SNX30: variants seen among roughly 807,000 people sequenced by gnomAD.
SNX30 encodes sorting nexin family member 30.
Under a neutral mutation model 46.4 loss-of-function variants are expected in SNX30, and 24 were observed. That is an observed-to-expected ratio of 0.52 (90% confidence interval 0.37 to 0.73). The LOEUF (loss-of-function observed/expected upper bound fraction) is 0.73, where lower values mean the gene tolerates loss of function less well. SNX30 is among the 30% of genes least tolerant of loss of function. The pLI, the probability that SNX30 is intolerant of heterozygous loss-of-function variation, is 0.00. For missense variants in SNX30, 533 were observed against 555.7 expected, an observed-to-expected ratio of 0.96 and a Z score of 0.41; for synonymous variants, 189 against 211.5, an observed-to-expected ratio of 0.89 and a Z score of 0.92.
rs1588109307 is a variant in SNX30, at chr9:112,768,422, A to G, written c.156+17265A>G. On this transcript the variant is annotated intron_variant, in intron 1 of 8. Transcript: ENST00000374232. Reference sequence around the variant, plus strand: ...CTAATTCCAGATACAGAGATTCAGAATCTGCATTTTGACATGATCCCTAAG... The same window carrying G: ...CTAATTCCAGATACAGAGATTCAGAGTCTGCATTTTGACATGATCCCTAAG... Among the ~76,000 whole-genome samples the G allele has an allele frequency of 2.0e-5, 3 of 152,312 alleles. No individual in the cohort carries two copies. In the South Asian group the frequency reaches 6.2e-4, roughly 32 times the overall value.
At position 112,830,782 on chromosome 9, in the gene SNX30, G is replaced by A. The variant is rs775945208; in HGVS notation, c.517G>A (p.Val173Met). 1.2e-6 allele frequency: 2 copies of A among 1,613,984 alleles called. No homozygotes were observed. The highest frequency in any genetic ancestry group is 3.3e-4 in the Middle Eastern group (2 of 6,060). ...TGTGGATCGTTTTTCAGAAGAGTTT[G>A]TGGAGACCAGAAGAAAAGCTTTGGA... ...GVVDRFSEEF[V>M]ETRRKALDKF... Residue 173 changes from valine to methionine, a missense_variant, in exon 4 of 9, where the codon GTG (valine) becomes ATG (methionine). Val to Met is a conservative substitution (Grantham distance 21). Coordinates refer to ENST00000374232, the MANE Select transcript of SNX30 (RefSeq NM_001012994.2).
intron 4 of SNX30, among the ~76,000 whole-genome samples, chr9:112,834,105 C>T (rs1043535663): frequency 6.8e-6 from 1 of 146,682 alleles, no homozygotes; most frequent in African/African-American, 2.5e-5. Flanking sequence ...TTCCTCTGCT[C>T]TCAGGCAACA....
At chr9:112,863,935 G>A (rs925754379) in intron 7 of SNX30, among the ~76,000 whole-genome samples, 2 of 152,178 alleles carry the variant, frequency 1.3e-5, no homozygotes, top group Admixed American at 1.3e-4. Context: ...ATCCTAAAAG[G>A]AACCAAAGAC....
At chr9:112,883,447 T>C (rs993252051), downstream of SNX30, among the ~76,000 whole-genome samples, 1 of 152,168 alleles carries the variant, frequency 6.6e-6, no homozygotes, top group Non-Finnish European at 1.5e-5. Flanking sequence ...ATTTAATACC[T>C]TGGAGGCTGT....
At chr9:112,754,762 A>G (rs370868930) in intron 1 of SNX30, among the ~76,000 whole-genome samples, 1 of 151,868 alleles carries the variant, frequency 6.6e-6, no homozygotes, top group South Asian at 2.1e-4. Context: ...CTCCTTTTTT[A>G]ACTTTCATCT....
At chr9:112,777,777 A>G (rs992784451) in intron 1 of SNX30, among the ~76,000 whole-genome samples, 3 of 151,986 alleles carry the variant, frequency 2.0e-5, no homozygotes, top group Admixed American at 6.5e-5. Context: ...ATTAACAGCA[A>G]CAGCTTTTAA....
rs1224521178 is a variant in SNX30, at chr9:112,870,176, T to C, written c.*1333T>C. 5 of 152,338 alleles carry C rather than the reference T, an allele frequency of 3.3e-5. No homozygotes were observed. The highest frequency in any genetic ancestry group is 1.3e-4 in the Admixed American group (2 of 15,308). 9.4% of individuals were successfully genotyped at this position (152,338 alleles called of 1,614,324 possible). A position where few individuals can be genotyped will look rare whatever the true frequency, so the allele number is the denominator to read the frequency against. ...AAGGATCTGTCTTCCAACTCTTTTT[T>C]TTTTCTGCTGAAATGAAGCTACATG... is the stretch of plus-strand genomic sequence containing the variant. On this transcript the variant is annotated 3_prime_UTR_variant, in exon 9 of 9. Coordinates refer to ENST00000374232, the MANE Select transcript of SNX30 (RefSeq NM_001012994.2).
At position 112,782,513 on chromosome 9, in the gene SNX30, T is replaced by G. The variant is rs569584796; in HGVS notation, c.157-22263T>G. Among the ~76,000 whole-genome samples the G allele has an allele frequency of 2.0e-5, 3 of 152,368 alleles. No individual in the cohort carries two copies. The East Asian group carries it at 5.8e-4, about 29-fold the overall frequency. On this transcript the variant is annotated intron_variant, in intron 1 of 8. Coordinates refer to ENST00000374232, the MANE Select transcript of SNX30 (RefSeq NM_001012994.2). Reference sequence around the variant, plus strand: ...AACAAAAAAGTTTGCTGACCCCTGGTATAAATCATCATGTAGTACTCATTT... The same window carrying G: ...AACAAAAAAGTTTGCTGACCCCTGGGATAAATCATCATGTAGTACTCATTT...
exon 5 of SNX30, chr9:112,880,129 G>A (rs1302747014): frequency 4.4e-6 from 1 of 225,600 alleles, no homozygotes; most frequent in East Asian, 9.0e-5. Flanking sequence ...TCAGGAGTTC[G>A]AGACCAGCCT....
At chr9:112,878,315 T>G (rs1185601032), downstream of SNX30, 1 of 152,314 alleles carries the variant, frequency 6.6e-6, no homozygotes, top group East Asian at 1.9e-4. Flanking sequence ...GTCTGCTGCC[T>G]TCACACTGAA....
At chr9:112,784,337 G>A (rs1284157880) in intron 1 of SNX30, among the ~76,000 whole-genome samples, 6 of 152,166 alleles carry the variant, frequency 3.9e-5, no homozygotes, top group African/African-American at 1.4e-4. Context: ...TTTGTAAAAT[G>A]TGTCCATGAT....
chr9:112,817,675 G>A, intron 2 of SNX30, 30 bp from the exon 3 acceptor site: 2 of 1,313,744 alleles, frequency 1.5e-6, no homozygotes, highest in Non-Finnish European at 2.2e-6. Flanking sequence ...ATTCCCTTAT[G>A]CTTATTTTTT....
At chr9:112,834,515 A>G (rs1239842721) in intron 4 of SNX30, among the ~76,000 whole-genome samples, 1 of 152,180 alleles carries the variant, frequency 6.6e-6, no homozygotes, top group Non-Finnish European at 1.5e-5. Flanking sequence ...AGGGGCGTGG[A>G]ACTTCCATGC....
chr9:112,837,605 A>G (rs1025193770), intron 5 of SNX30, among the ~76,000 whole-genome samples: 1 of 151,676 alleles, frequency 6.6e-6, no homozygotes, highest in African/African-American at 2.4e-5. Flanking sequence ...CCTCCTGAGT[A>G]GCTGGGACTA....
At chr9:112,779,083 A>C (rs1427662903) in intron 1 of SNX30, among the ~76,000 whole-genome samples, 1 of 152,226 alleles carries the variant, frequency 6.6e-6, no homozygotes, top group East Asian at 1.9e-4. Context: ...TGGTCTGAGG[A>C]TTGGCAGGGA....
intron 1 of SNX30, among the ~76,000 whole-genome samples, chr9:112,791,171 A>C (rs1840013445): frequency 1.3e-5 from 2 of 152,062 alleles, no homozygotes; most frequent in African/African-American, 4.8e-5. Flanking sequence ...TTGTCACCCC[A>C]AAAAGAAATT....
chr9:112,866,853 A>AGAATTCCTCCTG (rs1841353945), intron 8 of SNX30, among the ~76,000 whole-genome samples: 1 of 5,150 alleles, frequency 1.9e-4, no homozygotes, highest in Non-Finnish European at 4.6e-4. Flanking sequence ...AACTCCTCCC[A>AGAATTCCTCCTG]CCTCCTCAGA....
intron 7 of SNX30, among the ~76,000 whole-genome samples, chr9:112,851,928 A>C (rs1280644470): frequency 6.6e-6 from 1 of 152,224 alleles, no homozygotes. Context: ...AGACTTTTAA[A>C]ATATATACAA....
At chr9:112,779,527 T>C (rs575434566) in intron 1 of SNX30, among the ~76,000 whole-genome samples, 42 of 152,206 alleles carry the variant, frequency 2.8e-4, no homozygotes, top group African/African-American at 8.2e-4. Context: ...GAAACCCGTC[T>C]CTACTAAAAA....
Sources: allele counts gnomAD v4.1 joint callset (sites outside exome capture counted in the v4.1 genomes callset), GRCh38; gene constraint gnomAD v4.1.1; transcripts MANE v1.5; gene names NCBI Gene and HGNC (gene_info 2026-07-23, HGNC 2026-07-21).